NOX4: variants seen among roughly 807,000 people sequenced by gnomAD.
The protein encoded by NOX4 is kidney oxidase-1.
In NOX4, 69 loss-of-function variants were observed where a neutral mutation model predicts 87.6. That is an observed-to-expected ratio of 0.79 (90% confidence interval 0.65 to 0.96). NOX4 has a LOEUF of 0.96. Ranked by LOEUF, NOX4 falls within the 40% of genes least tolerant of loss-of-function variation. The pLI, the probability that NOX4 is intolerant of heterozygous loss-of-function variation, is 0.00. For missense variants in NOX4, 680 were observed against 681.5 expected, an observed-to-expected ratio of 1.00 and a Z score of 0.02; for synonymous variants, 275 against 238.2, an observed-to-expected ratio of 1.15 and a Z score of -1.42.
chr11:89,414,764 T>C (rs1942672481), intron 8 of NOX4, among the ~76,000 whole-genome samples: 2 of 151,834 alleles, frequency 1.3e-5, no homozygotes, highest in Non-Finnish European at 2.9e-5. Context: ...CTCCATTTTC[T>C]GGGAGCTAGT....
chr11:89,438,900 T>A (rs527808087), intron 6 of NOX4, among the ~76,000 whole-genome samples: 23 of 59,746 alleles, frequency 3.8e-4, no homozygotes, highest in African/African-American at 1.5e-3. Flanking sequence ...ATATATTATA[T>A]ATATAATATA....
chr11:89,497,978 G>C (rs1946976655), intron 1 of NOX4: 2 of 151,918 alleles, frequency 1.3e-5, no homozygotes, highest in South Asian at 4.2e-4. Context: ...TGCTTTACTT[G>C]TTTCATGGCA....
At chr11:89,538,812 C>A in the NOX4 span, among the ~76,000 whole-genome samples, 1 of 151,760 alleles carries the variant, frequency 6.6e-6, no homozygotes, top group East Asian at 1.9e-4. Flanking sequence ...TATATGGGGG[C>A]CAGATGTTAT....
At chr11:89,334,488 T>C (rs1190272796) in intron 17 of NOX4, among the ~76,000 whole-genome samples, 1 of 151,708 alleles carries the variant, frequency 6.6e-6, no homozygotes, top group Admixed American at 6.6e-5. Flanking sequence ...CTTCCCAGCC[T>C]CCATTCTGTA....
chr11:89,530,751 G>C, the NOX4 span, among the ~76,000 whole-genome samples: 1 of 152,052 alleles, frequency 6.6e-6, no homozygotes, highest in East Asian at 1.9e-4. Flanking sequence ...AATTGATCTA[G>C]GGGTAGGTTC....
rs1565158757 is a variant in NOX4, at chr11:89,325,115, C to CCTTTTTTTTT, written c.*1640_*1641insAAAAAAAAAG. ...ACTAAACTGTATGAATGCTTTAATT[C>CCTTTTTTTTT]TTTTTTTTTTTTTTTTTTTTTTTTT... On this transcript the variant is annotated 3_prime_UTR_variant, in exon 18 of 18. Coordinates refer to ENST00000263317, the MANE Select transcript of NOX4 (RefSeq NM_016931.5). 2 of 76,332 alleles carry CCTTTTTTTTT rather than the reference C, an allele frequency of 2.6e-5. No homozygotes were observed. The highest frequency in any genetic ancestry group is 4.7e-5 in the Non-Finnish European group (2 of 42,162). The allele number at this position is 76,332 out of a possible 1,614,324, so 4.7% of individuals were successfully genotyped here.
Position 89,460,615 on chromosome 11 carries a change from C to T in NOX4, c.154-8720G>A, listed in dbSNP as rs1158089944. On this transcript the variant is annotated intron_variant, in intron 2 of 17. Coordinates refer to ENST00000263317, the MANE Select transcript of NOX4 (RefSeq NM_016931.5). Reference sequence around the variant, plus strand: ...AATCAAAACCACAATGAGATACCATCTCACACCAGTTAGAATGGTGATCAT... The same window carrying T: ...AATCAAAACCACAATGAGATACCATTTCACACCAGTTAGAATGGTGATCAT... Among the ~76,000 whole-genome samples, 24 of 152,284 alleles carry T rather than the reference C, an allele frequency of 1.6e-4. No homozygotes were observed. In the East Asian group the frequency reaches 2.1e-3, roughly 13 times the overall value.
intron 7 of NOX4, among the ~76,000 whole-genome samples, chr11:89,422,202 T>G (rs1469436398): frequency 6.6e-6 from 1 of 152,174 alleles, no homozygotes; most frequent in Non-Finnish European, 1.5e-5. Flanking sequence ...TCTTTGTATT[T>G]CAAATAAAGA....
intron 17 of NOX4, among the ~76,000 whole-genome samples, chr11:89,333,224 T>A (rs1945550176): frequency 6.6e-6 from 1 of 151,692 alleles, no homozygotes; most frequent in Admixed American, 6.6e-5. Flanking sequence ...TTGTCCATGA[T>A]CAAAAGAAGC....
chr11:89,394,993 T>C (rs1218637842), intron 11 of NOX4, among the ~76,000 whole-genome samples: 1 of 152,196 alleles, frequency 6.6e-6, no homozygotes, highest in East Asian at 1.9e-4. Context: ...AGTAGCATGA[T>C]TTGTAATCCT....
intron 2 of NOX4, 54 bp from the exon 3 acceptor site, chr11:89,451,949 TC>T: frequency 8.1e-7 from 1 of 1,228,466 alleles, no homozygotes; most frequent in Non-Finnish European, 1.2e-6. Context: ...TAAAGCCCTG[TC>T]CTGGCTCTAG....
At chr11:89,448,905 T>C (rs539957013) in intron 4 of NOX4, among the ~76,000 whole-genome samples, 5 of 152,144 alleles carry the variant, frequency 3.3e-5, no homozygotes, top group African/African-American at 1.2e-4. Context: ...AATAAAATGT[T>C]CATGCATTTA....
chr11:89,399,747 G>A (rs985533767), intron 11 of NOX4, among the ~76,000 whole-genome samples: 1 of 151,590 alleles, frequency 6.6e-6, no homozygotes, highest in African/African-American at 2.4e-5. Context: ...TTACAGGCCT[G>A]AGTCACTGTG....
intron 8 of NOX4, among the ~76,000 whole-genome samples, chr11:89,415,120 T>A (rs1240597520): frequency 6.6e-6 from 1 of 151,920 alleles, no homozygotes; most frequent in East Asian, 1.9e-4. Context: ...AAAATAGAAA[T>A]GATAGAAGAA....
intron 12 of NOX4, among the ~76,000 whole-genome samples, chr11:89,356,703 G>A (rs1272679632): frequency 6.6e-6 from 1 of 152,074 alleles, no homozygotes; most frequent in Non-Finnish European, 1.5e-5. Flanking sequence ...ATTGTTATAT[G>A]TATTTATCTC....
intron 12 of NOX4, among the ~76,000 whole-genome samples, chr11:89,362,025 A>G (rs1938564523): frequency 6.6e-6 from 1 of 152,076 alleles, no homozygotes; most frequent in Non-Finnish European, 1.5e-5. Flanking sequence ...CTGATGGGCA[A>G]TATTTGCTCT....
At chr11:89,524,053 G>A in the NOX4 span, among the ~76,000 whole-genome samples, 3 of 152,148 alleles carry the variant, frequency 2.0e-5, no homozygotes, top group Non-Finnish European at 4.4e-5. Context: ...GGATGCAAAT[G>A]TTCTGTATTT....
rs1211257431 is a variant in NOX4, at chr11:89,497,260, A to G, written c.-115+737T>C. ...TCCTGAACACATCTATTAACACAGT[A>G]ATTCCTGTATGTGTGTGAAATGTTA... On this transcript the variant is annotated intron_variant, in intron 1 of 18. Transcript: ENST00000527956. Among the ~76,000 whole-genome samples the G allele has an allele frequency of 2.6e-5, 4 of 152,204 alleles. 1 individual carries two copies. Among genetic ancestry groups the G allele is most frequent in the Non-Finnish European group, 5.9e-5 (4 of 68,036 alleles).
At chr11:89,440,616 C>T (rs534688868) in intron 6 of NOX4, 72 bp downstream of exon 6, 33 of 1,051,772 alleles carry the variant, frequency 3.1e-5, no homozygotes, top group African/African-American at 1.8e-4. Context: ...TGAGCCACTG[C>T]GCCCAGTCCG....
Sources: gnomAD v4.1 joint callset for allele counts (sites outside exome capture counted in the v4.1 genomes callset) on GRCh38, gnomAD v4.1.1 for gene constraint, MANE v1.5 for transcripts, NCBI Gene and HGNC (gene_info 2026-07-23, HGNC 2026-07-21) for gene names.